The following TASOR2 variants were observed in gnomAD, a reference collection of about 807,000 sequenced individuals.
TASOR2 encodes protein TASOR 2.
A neutral mutation model predicts 199.5 loss-of-function variants in TASOR2; 84 were observed. That is an observed-to-expected ratio of 0.42 (90% CI 0.35 to 0.50). The LOEUF (loss-of-function observed/expected upper bound fraction) is 0.50. TASOR2 is among the 20% of genes least tolerant of loss of function. The pLI, the probability that TASOR2 is intolerant of heterozygous loss-of-function variation, is 0.02. For missense variants in TASOR2, 2,796 were observed against 2,835.9 expected, an observed-to-expected ratio of 0.99 and a Z score of 0.32; for synonymous variants, 1,103 against 1,046.6, an observed-to-expected ratio of 1.05 and a Z score of -1.04.
chr10:5,720,976 T>G lies in TASOR2; in HGVS notation c.146+6T>G, dbSNP rs199815284. The G allele has an allele frequency of 8.8e-6, 14 of 1,596,436 alleles. No homozygotes were observed. The highest frequency in any genetic ancestry group is 1.3e-5 in the African/African-American group (1 of 74,224). Reference sequence around the variant, plus strand: ...GCAATGATTCCAACACAGCTGTAAGTATTAAATGTTATGTCCTTTACTAAT... The same window carrying G: ...GCAATGATTCCAACACAGCTGTAAGGATTAAATGTTATGTCCTTTACTAAT... On this transcript the variant is annotated splice_donor_region_variant and intron_variant, in intron 6 of 20. Coordinates refer to ENST00000328090, the Ensembl canonical transcript of TASOR2. The surrounding 1 kb of genome is among the most constrained non-coding windows in gnomAD (Gnocchi z 5.3).
Position 5,720,438 on chromosome 10 carries a change from C to G in TASOR2, c.-99-106C>G, listed in dbSNP as rs1833207300. ...AATGAGTAACACCCAAGATATATTT[C>G]TGACTCTAATGTGTTAAATTTCAGG... On this transcript the variant is annotated intron_variant, in intron 3 of 20. Coordinates refer to ENST00000328090, the Ensembl canonical transcript of TASOR2. This position sits in a 1 kb window ranked among gnomAD's most constrained non-coding sequence, Gnocchi z 5.3. The G allele has an allele frequency of 2.1e-6, 3 of 1,413,818 alleles. 1 individual carries two copies. The South Asian group carries it at 5.0e-5, about 23-fold the overall frequency. The allele number at this position is 1,413,818 out of a possible 1,614,324, so 87.6% of individuals were successfully genotyped here. A position where few individuals can be genotyped will look rare whatever the true frequency, so the allele number is the denominator to read the frequency against.
At chr10:5,747,852 C>T (rs764673953) in exon 15 of TASOR2, 35 of 1,613,620 alleles carry the variant, frequency 2.2e-5, no homozygotes, top group Admixed American at 3.3e-5. Flanking sequence ...AGGTCTCTGC[C>T]GAAATGCCTC....
exon 15 of TASOR2, chr10:5,747,549 C>T (rs1837390390): frequency 6.2e-7 from 1 of 1,614,046 alleles, no homozygotes; most frequent in Non-Finnish European, 8.5e-7. Flanking sequence ...AAGAAAATTG[C>T]ACCCTTGAGA....
At chr10:5,723,650 G>T in intron 6 of TASOR2, 27 bp from the exon 8 acceptor site, 3 of 1,393,830 alleles carry the variant, frequency 2.2e-6, no homozygotes, top group Non-Finnish European at 2.0e-6. Context: ...TTATTATTCT[G>T]CTTGATACTG....
chr10:5,709,535 A>T, intron 1 of TASOR2: 1 of 1,230,692 alleles, frequency 8.1e-7, no homozygotes, highest in Non-Finnish European at 1.0e-6. Context: ...TTTAGCATTT[A>T]TGACATTAAC....
Position 5,742,939 on chromosome 10 carries a change from T to G in TASOR2, c.2757+413T>G, listed in dbSNP as rs1167843851. On this transcript the variant is annotated intron_variant, in intron 14 of 20. Coordinates refer to ENST00000328090, the Ensembl canonical transcript of TASOR2. The surrounding 1 kb of genome is among the most constrained non-coding windows in gnomAD (Gnocchi z 4.2). The stretch of plus-strand genomic sequence containing the variant: ...AACCTTAAAGTAAACTAAAATTAAT[T>G]GTATTAAAATTATTTTTGAAGACAG... 6.6e-6 allele frequency among the ~76,000 whole-genome samples: 1 copy of G among 152,196 alleles called. No homozygotes were observed. Among genetic ancestry groups the G allele is most frequent in the Non-Finnish European group, 1.5e-5 (1 of 68,032 alleles).
At chr10:5,703,649 G>A (rs1263962971) in intron 1 of TASOR2, among the ~76,000 whole-genome samples, 8 of 151,242 alleles carry the variant, frequency 5.3e-5, no homozygotes, top group East Asian at 3.9e-4. Flanking sequence ...GACTACAGGC[G>A]CCCGCCACCA....
chr10:5,735,577 AC>A (rs746556690), intron 12 of TASOR2, 31 bp downstream of exon 13: 1 of 1,601,646 alleles, frequency 6.2e-7, no homozygotes, highest in South Asian at 1.1e-5. Flanking sequence ...AAATTTAAAC[AC>A]CCCAATACAG....
At chr10:5,734,071 A>T (rs553056492) in intron 11 of TASOR2, among the ~76,000 whole-genome samples, 1 of 152,294 alleles carries the variant, frequency 6.6e-6, no homozygotes, top group South Asian at 2.1e-4. Flanking sequence ...TATCATTTTT[A>T]GTGTCCTTAG....
At chr10:5,733,107 A>G (rs967832041) in intron 11 of TASOR2, among the ~76,000 whole-genome samples, 6 of 152,234 alleles carry the variant, frequency 3.9e-5, no homozygotes, top group Non-Finnish European at 5.9e-5. Flanking sequence ...TGTAAGAAAT[A>G]TGTTTGATAT....
rs1372695699 is a variant in TASOR2 at position 5,698,228 on chromosome 10, C to G, written c.-288+13053C>G. On this transcript the variant is annotated intron_variant, in intron 1 of 20. Transcript: ENST00000328090. This position sits in a 1 kb window ranked among gnomAD's most constrained non-coding sequence, Gnocchi z 4.4. Reference sequence around the variant, plus strand: ...GTATTTTTATTTGTTCTCTTTCTATCTGTGCCATTTCCATGAGAAAAACAT... The same window carrying G: ...GTATTTTTATTTGTTCTCTTTCTATGTGTGCCATTTCCATGAGAAAAACAT... 6.6e-6 allele frequency among the ~76,000 whole-genome samples: 1 copy of G among 152,186 alleles called. No individual in the cohort carries two copies. Among genetic ancestry groups the G allele is most frequent in the East Asian group, 1.9e-4 (1 of 5,204 alleles).
chr10:5,708,118 A>C (rs1255793651), intron 1 of TASOR2, among the ~76,000 whole-genome samples: 4 of 152,162 alleles, frequency 2.6e-5, no homozygotes, highest in Admixed American at 2.6e-4. Flanking sequence ...AGCATATGAA[A>C]ATCCTTATTC....
rs953380525 is a variant in TASOR2 at position 5,712,748 on chromosome 10, G to T, written c.-287-75G>T. The T allele has an allele frequency of 2.2e-5, 18 of 808,368 alleles. No individual in the cohort carries two copies. In the African/African-American group the frequency reaches 2.7e-4, roughly 12 times the overall value. 50.1% of individuals were successfully genotyped at this position (808,368 alleles called of 1,614,324 possible). ...TCTTAATGGCAGGAAGAATTCAAAT[G>T]ATGCATTTTTAAAAATTTGCAAGAC... On this transcript the variant is annotated intron_variant, in intron 1 of 20. Transcript: ENST00000328090.
rs1832098472 is a variant in TASOR2 at position 5,712,906 on chromosome 10, T to C, written c.-204T>C. 3.3e-6 allele frequency: 4 copies of C among 1,229,292 alleles called. No homozygotes were observed. In the South Asian group the frequency reaches 1.6e-4, roughly 51 times the overall value. The allele number at this position is 1,229,292 out of a possible 1,614,324, so 76.1% of individuals were successfully genotyped here. On this transcript the variant is annotated 5_prime_UTR_variant, in exon 2 of 21. Transcript: ENST00000328090. ...ACACTTACGGGTTTCTTCTGTTTGATACTGAAAAGCAGGTAAGGGAATTAG... is the reference window on the plus strand; with the variant it reads ...ACACTTACGGGTTTCTTCTGTTTGACACTGAAAAGCAGGTAAGGGAATTAG...
intron 14 of TASOR2, among the ~76,000 whole-genome samples, chr10:5,744,965 C>T (rs545105529): frequency 1.3e-5 from 2 of 152,306 alleles, no homozygotes; most frequent in African/African-American, 2.4e-5. Context: ...ATTTGGAACA[C>T]AGTTCCTGAT....
At chr10:5,731,023 G>T (rs761525696) in exon 11 of TASOR2, 2 of 1,614,092 alleles carry the variant, frequency 1.2e-6, no homozygotes, top group South Asian at 2.2e-5. Context: ...ATTGAGTCCA[G>T]CGTCAAATCT....
chr10:5,704,070 A>G (rs1427914498), intron 1 of TASOR2, among the ~76,000 whole-genome samples: 1 of 151,806 alleles, frequency 6.6e-6, no homozygotes, highest in African/African-American at 2.4e-5. Context: ...CTAAAAATAC[A>G]AAAATTAGCT....
exon 11 of TASOR2, chr10:5,731,180 A>C (rs767757601): frequency 1.2e-6 from 2 of 1,603,992 alleles, no homozygotes; most frequent in Non-Finnish European, 1.7e-6. Context: ...GTTAAAGGAC[A>C]GTTTCCTCAG....
chr10:5,763,544 A>ACATAC (rs1186327504), exon 21 of TASOR2: 1 of 152,320 alleles, frequency 6.6e-6, no homozygotes, highest in Non-Finnish European at 1.5e-5. Context: ...TTTTTCACTT[A>ACATAC]CGGTATTTGT....
Sources: gnomAD v4.1 joint callset for allele counts (sites outside exome capture counted in the v4.1 genomes callset) on GRCh38, gnomAD v4.1.1 for gene constraint, Gnocchi (gnomAD v3.1) non-coding constraint, MANE v1.5 for transcripts, NCBI Gene and HGNC (gene_info 2026-07-23, HGNC 2026-07-21) for gene names.